Variants in RANBP3L observed in about 807,000 individuals in gnomAD.
The protein encoded by RANBP3L is ran-binding protein 3-like.
Under a neutral mutation model 67.2 loss-of-function variants are expected in RANBP3L, and 56 were observed. The observed-to-expected ratio is 0.83, with a 90% confidence interval of 0.67 to 1.04. The LOEUF (loss-of-function observed/expected upper bound fraction) is 1.04. Ranked by LOEUF, RANBP3L falls within the 50% of genes least tolerant of loss-of-function variation. RANBP3L has a pLI of 0.00. For synonymous variants in RANBP3L, 164 were observed against 181.4 expected (o/e 0.90, Z 0.77); for missense variants, 496 against 535.5 (o/e 0.93, Z 0.73).
At chr5:36,265,999 A>G (rs1048452185) in intron 4 of RANBP3L, among the ~76,000 whole-genome samples, 45 of 151,088 alleles carry the variant, frequency 3.0e-4, no homozygotes, top group African/African-American at 1.1e-3. Context: ...AAAAAAAAAA[A>G]AGATATTGCC....
chr5:36,300,504 ATT>A (rs1752539096), intron 1 of RANBP3L, among the ~76,000 whole-genome samples: 4 of 152,172 alleles, frequency 2.6e-5, no homozygotes, highest in Admixed American at 2.6e-4. Flanking sequence ...CAGAAAAATA[ATT>A]AAAGAGCTCA....
At chr5:36,289,716 A>G (rs1286165198) in intron 1 of RANBP3L, among the ~76,000 whole-genome samples, 5 of 151,870 alleles carry the variant, frequency 3.3e-5, no homozygotes, top group African/African-American at 1.2e-4. Context: ...TATTTTTTGT[A>G]TGTTGACTTT....
chr5:36,258,831 C>T (rs1254497350), intron 8 of RANBP3L, among the ~76,000 whole-genome samples: 1 of 152,188 alleles, frequency 6.6e-6, no homozygotes, highest in Non-Finnish European at 1.5e-5. Context: ...GTTTTCAAAC[C>T]TGCCTGTACA....
intron 1 of RANBP3L, among the ~76,000 whole-genome samples, chr5:36,286,592 T>G (rs1488659491): frequency 1.3e-5 from 2 of 152,184 alleles, no homozygotes; most frequent in Non-Finnish European, 2.9e-5. Flanking sequence ...AATTTCTGAA[T>G]CAGAAAGTCA....
intron 8 of RANBP3L, 118 bp from the exon 9 acceptor site, chr5:36,257,674 GTA>G (rs559459334): frequency 7.5e-4 from 345 of 457,906 alleles, no homozygotes; most frequent in African/African-American, 4.6e-3. Flanking sequence ...AACCTAGCTG[GTA>G]TGTTTTTGTT....
rs1253112963 is a variant in RANBP3L at position 36,248,564 on chromosome 5, T to C, written c.*1090A>G. 6.6e-6 allele frequency: 1 copy of C among 152,188 alleles called. No homozygotes were observed. The highest frequency in any genetic ancestry group is 2.1e-4 in the South Asian group (1 of 4,832). The allele number at this position is 152,188 out of a possible 1,614,324, so 9.4% of individuals were successfully genotyped here. ...TTCTTCGAAGCATCACTTAGTGAAA[T>C]TACGCCCTCATTCCAAATATGTTGT... On this transcript the variant is annotated 3_prime_UTR_variant, in exon 14 of 14. Coordinates refer to ENST00000296604, the MANE Select transcript of RANBP3L (RefSeq NM_145000.5).
rs187631334 is a variant in RANBP3L at position 36,258,130 on chromosome 5, T to A, written c.670-574A>T. On this transcript the variant is annotated intron_variant, in intron 8 of 13. Transcript: ENST00000296604. ...CCCACAAGATGTCTCAGAGAACATC[T>A]TTTTAGAAAAAATCCTAACTTTTCC... 3.0e-4 allele frequency among the ~76,000 whole-genome samples: 45 copies of A among 152,222 alleles called. 2 individuals carry two copies. The East Asian group carries it at 7.7e-3, about 26-fold the overall frequency.
At chr5:36,284,580 A>T (rs1751196745) in intron 1 of RANBP3L, among the ~76,000 whole-genome samples, 1 of 152,226 alleles carries the variant, frequency 6.6e-6, no homozygotes, top group African/African-American at 2.4e-5. Flanking sequence ...GAGGTTTTGC[A>T]TACTGCCTCT....
chr5:36,301,567 T>A lies in RANBP3L; in HGVS notation c.-151A>T. 2.0e-6 allele frequency: 1 copy of A among 500,016 alleles called. No individual in the cohort carries two copies. The highest frequency in any genetic ancestry group is 3.6e-6 in the Non-Finnish European group (1 of 278,110). 31.0% of individuals were successfully genotyped at this position (500,016 alleles called of 1,614,324 possible). A position where few individuals can be genotyped will look rare whatever the true frequency, so the allele number is the denominator to read the frequency against. ...TACAACATATACTCCTCTACTAAAC[T>A]TCCAAGCTTTTTCCAGTCATGATTC... On this transcript the variant is annotated 5_prime_UTR_variant, in exon 1 of 14. It adds an upstream start codon to the 5' untranslated region. Transcript: ENST00000296604.
At chr5:36,292,660 C>G (rs1339684681) in intron 1 of RANBP3L, among the ~76,000 whole-genome samples, 3 of 151,642 alleles carry the variant, frequency 2.0e-5, no homozygotes, top group Admixed American at 6.6e-5. Context: ...AATAGGGAAT[C>G]CTTTCCCCAT....
chr5:36,275,992 C>G (rs1190383713), intron 1 of RANBP3L, among the ~76,000 whole-genome samples: 1 of 152,126 alleles, frequency 6.6e-6, no homozygotes, highest in Admixed American at 6.5e-5. Context: ...CTACCATAGT[C>G]AGACTCCCAG....
chr5:36,257,791 G>A (rs1050643862), intron 8 of RANBP3L, among the ~76,000 whole-genome samples: 1 of 152,002 alleles, frequency 6.6e-6, no homozygotes, highest in African/African-American at 2.4e-5. Context: ...TACTTCAGGT[G>A]GGATCTAGTC....
Position 36,261,944 on chromosome 5 carries a change from T to C in RANBP3L, c.579A>G (p.Ser193=), listed in dbSNP as rs749058166. 6.1e-6 allele frequency: 9 copies of C among 1,485,386 alleles called. No homozygotes were observed. The East Asian group carries it at 1.8e-4, about 30-fold the overall frequency. 92.0% of individuals were successfully genotyped at this position (1,485,386 alleles called of 1,614,324 possible). A position where few individuals can be genotyped will look rare whatever the true frequency, so the allele number is the denominator to read the frequency against. The part of the protein sequence containing the change: ...STNQDFLGAT[S]VGCQPNEDKC... ...CTATTTTCTCATTAACTTACCCTAC[T>C]GATGTTGCACCTAAAAAGTCCTGGT... Residue 193 remains serine (S), a synonymous_variant, in exon 7 of 14, where the codon TCA becomes TCG. Transcript: ENST00000296604.
intron 5 of RANBP3L, 115 bp from the exon 6 acceptor site, chr5:36,265,213 C>T (rs972129441): frequency 2.4e-5 from 18 of 736,308 alleles, no homozygotes; most frequent in African/African-American, 1.1e-4. Flanking sequence ...GAGGGACTAG[C>T]GTTAATTAAT....
intron 1 of RANBP3L, among the ~76,000 whole-genome samples, chr5:36,291,227 C>T (rs543424636): frequency 5.3e-5 from 8 of 152,114 alleles, no homozygotes; most frequent in Middle Eastern, 3.4e-3. Context: ...CCTTTCTGCC[C>T]CAAAACCCTA....
At chr5:36,261,574 A>G (rs1749389168) in intron 7 of RANBP3L, among the ~76,000 whole-genome samples, 1 of 152,170 alleles carries the variant, frequency 6.6e-6, no homozygotes, top group Admixed American at 6.5e-5. Flanking sequence ...TATCTAACCT[A>G]TGCCAATAAA....
Position 36,301,237 on chromosome 5 carries a change from C to T in RANBP3L, c.91+89G>A, listed in dbSNP as rs1752587342. 10 of 934,008 alleles carry T rather than the reference C, an allele frequency of 1.1e-5. No homozygotes were observed. In the Admixed American group the frequency reaches 1.2e-4, roughly 11 times the overall value. The allele number at this position is 934,008 out of a possible 1,614,324, so 57.9% of individuals were successfully genotyped here. The stretch of plus-strand genomic sequence containing the variant: ...GCATCACTATTATGTCAGAGCTTCC[C>T]CGGGTCCTTCACCAGCCCACCATTC... On this transcript the variant is annotated intron_variant, in intron 1 of 13. Coordinates refer to ENST00000296604, the MANE Select transcript of RANBP3L (RefSeq NM_145000.5).
rs547460207 is a variant in RANBP3L, at chr5:36,269,967, A to T, written c.174T>A (p.Tyr58Ter). 1 of 1,613,720 alleles carries T rather than the reference A, an allele frequency of 6.2e-7. No individual in the cohort carries two copies. Among genetic ancestry groups the T allele is most frequent in the East Asian group, 2.2e-5 (1 of 44,878 alleles). ...TFKRPAEDTL[Y>*]EAAEPECNGF... is the part of the protein sequence containing the mutation. The stretch of plus-strand genomic sequence containing the variant: ...AATCATTACCTGGTTCTGCTGCTTC[A>T]TACAGGGTGTCTTCTGCAGGTCTCT... Residue 58 changes from tyrosine (Y) to a stop codon, truncating the protein, a stop_gained, in exon 3 of 14, where the codon TAT (tyrosine) becomes TAA (stop). Transcript: ENST00000296604. LOFTEE classifies it high-confidence loss of function.
intron 1 of RANBP3L, among the ~76,000 whole-genome samples, chr5:36,292,892 TTGGTTCCATA>T (rs1370098262): frequency 3.3e-5 from 5 of 151,732 alleles, no homozygotes; most frequent in African/African-American, 1.2e-4. Context: ...GGGCTCTTTT[TTGGTTCCATA>T]TGAACTTTAA....
Sources: allele counts gnomAD v4.1 joint callset (sites outside exome capture counted in the v4.1 genomes callset), GRCh38; gene constraint gnomAD v4.1.1; transcripts MANE v1.5; gene names NCBI Gene and HGNC (gene_info 2026-07-23, HGNC 2026-07-21).